MICA: variants seen among roughly 807,000 people sequenced by gnomAD.
MICA encodes MHC class I polypeptide-related sequence A.
Under a neutral mutation model 34.3 loss-of-function variants are expected in MICA, and 18 were observed. The observed-to-expected ratio is 0.52, with a 90% confidence interval of 0.36 to 0.78. The LOEUF is 0.78. Ranked by LOEUF, MICA falls within the 30% of genes least tolerant of loss-of-function variation. MICA has a pLI of 0.00. For missense variants in MICA, 333 were observed against 409.4 expected, an observed-to-expected ratio of 0.81 and a Z score of 1.61; for synonymous variants, 135 against 156.9, an observed-to-expected ratio of 0.86 and a Z score of 1.04.
rs1425420452 is a variant in MICA, at chr6:31,411,705, G to A, written c.614-242G>A. Among the ~76,000 whole-genome samples, 1 of 151,722 alleles carries A rather than the reference G, an allele frequency of 6.6e-6. No individual in the cohort carries two copies. The highest frequency in any genetic ancestry group is 6.6e-5 in the Admixed American group (1 of 15,178). On this transcript the variant is annotated intron_variant, in intron 3 of 5. Coordinates refer to ENST00000449934, the MANE Select transcript of MICA (RefSeq NM_001177519.3). This position sits in a 1 kb window ranked among gnomAD's most constrained non-coding sequence, Gnocchi z 4.3. ...TCCCTCCTGGCCCCACAACCCAGGA[G>A]TCCACCCCTGACATCCCCCTCCTCA...
At chr6:31,412,919 C>T (rs1771284170) in intron 5 of MICA, among the ~76,000 whole-genome samples, 1 of 151,874 alleles carries the variant, frequency 6.6e-6, no homozygotes, top group Non-Finnish European at 1.5e-5. Flanking sequence ...CTATTCCCTT[C>T]CTCTCTGCAT....
chr6:31,406,809 TC>T (rs1315126892), intron 1 of MICA, among the ~76,000 whole-genome samples: 1 of 151,884 alleles, frequency 6.6e-6, no homozygotes, highest in Non-Finnish European at 1.5e-5. Context: ...TTGAAGAGAC[TC>T]TCCTTTGCCA....
At chr6:31,414,107 CT>C (rs947537196) in intron 5 of MICA, among the ~76,000 whole-genome samples, 3 of 152,004 alleles carry the variant, frequency 2.0e-5, no homozygotes, top group Non-Finnish European at 4.4e-5. Context: ...TTGGAGCCCC[CT>C]CTCCAGGAGG....
At chr6:31,404,964 C>A (rs1267968609) in intron 1 of MICA, among the ~76,000 whole-genome samples, 1 of 151,702 alleles carries the variant, frequency 6.6e-6, no homozygotes, top group Non-Finnish European at 1.5e-5. Context: ...CTGCCTTGGG[C>A]CCTCAGCACG....
In MICA at chr6:31,411,788, C is replaced by A. The variant is rs1771171294; in HGVS notation, c.614-159C>A. Reference sequence around the variant, plus strand: ...ACAGTCCCAAGGCCCATCCTCCTGCCAGCCTGGAAGAACTGGGCCCCAGAG... The same window carrying A: ...ACAGTCCCAAGGCCCATCCTCCTGCAAGCCTGGAAGAACTGGGCCCCAGAG... On this transcript the variant is annotated intron_variant, in intron 3 of 5. Transcript: ENST00000449934. This position sits in a 1 kb window ranked among gnomAD's most constrained non-coding sequence, Gnocchi z 4.3. Among the ~76,000 whole-genome samples the A allele has an allele frequency of 6.6e-6, 1 of 151,890 alleles. No individual in the cohort carries two copies. Among genetic ancestry groups the A allele is most frequent in the African/African-American group, 2.4e-5 (1 of 41,254 alleles).
At position 31,408,891 on chromosome 6, in the gene MICA, A is replaced by G. The variant is rs1343672716; in HGVS notation, c.71-1652A>G. The stretch of plus-strand genomic sequence containing the variant: ...GTGATGGCGGGTGCCTGTAATCCCA[A>G]CTACTTGGGAGGCTGAGGCAGGAGA... On this transcript the variant is annotated intron_variant, in intron 1 of 5. Coordinates refer to ENST00000449934, the MANE Select transcript of MICA (RefSeq NM_001177519.3). 3.3e-5 allele frequency among the ~76,000 whole-genome samples: 5 copies of G among 151,514 alleles called. No individual in the cohort carries two copies. In the Admixed American group the frequency reaches 3.3e-4, roughly 10 times the overall value.
At chr6:31,413,736 A>G (rs9266815) in intron 5 of MICA, among the ~76,000 whole-genome samples, 47,026 of 149,774 alleles carry the variant, frequency 0.31, 8,346 homozygotes, top group African/African-American at 0.39. Flanking sequence ...GTCTGTGGTC[A>G]CTCCTGCTCT....
intron 1 of MICA, among the ~76,000 whole-genome samples, chr6:31,404,118 C>G (rs1161659576): frequency 6.6e-6 from 1 of 151,666 alleles, no homozygotes; most frequent in African/African-American, 2.4e-5. Flanking sequence ...TCCCTGAAGT[C>G]CTGTCCTCTC....
In MICA at chr6:31,411,827, G is replaced by T; in HGVS notation, c.614-120G>T. The T allele has an allele frequency of 1.4e-6, 2 of 1,422,834 alleles. No homozygotes were observed. The highest frequency in any genetic ancestry group is 1.9e-6 in the Non-Finnish European group (2 of 1,074,228). 88.1% of individuals were successfully genotyped at this position (1,422,834 alleles called of 1,614,324 possible). A position where few individuals can be genotyped will look rare whatever the true frequency, so the allele number is the denominator to read the frequency against. On this transcript the variant is annotated intron_variant, in intron 3 of 5. Coordinates refer to ENST00000449934, the MANE Select transcript of MICA (RefSeq NM_001177519.3). This position sits in a 1 kb window ranked among gnomAD's most constrained non-coding sequence, Gnocchi z 4.3. ...TGGGCCCCAGAGTGAGGACAGACTT[G>T]CAGGTCAGGGGTCCCGGAGGGCTTC... is the stretch of plus-strand genomic sequence containing the variant.
chr6:31,414,727 G>T (rs9266820), intron 5 of MICA, among the ~76,000 whole-genome samples: 48,473 of 151,594 alleles, frequency 0.32, 8,327 homozygotes, highest in African/African-American at 0.4. Flanking sequence ...TGAGAGGAGG[G>T]CACTGGGTTC....
upstream of MICA, among the ~76,000 whole-genome samples, chr6:31,401,758 C>T (rs1006356045): frequency 1.3e-5 from 2 of 151,608 alleles, no homozygotes; most frequent in Non-Finnish European, 2.9e-5. Context: ...GACTACACAT[C>T]GGAATCACCT....
chr6:31,415,021 G>GA lies in MICA; in HGVS notation c.*39_*40insA. The GA allele has an allele frequency of 6.7e-7, 1 of 1,483,906 alleles. No individual in the cohort carries two copies. Among genetic ancestry groups the GA allele is most frequent in the Non-Finnish European group, 9.3e-7 (1 of 1,070,984 alleles). 91.9% of individuals were successfully genotyped at this position (1,483,906 alleles called of 1,614,324 possible). A position where few individuals can be genotyped will look rare whatever the true frequency, so the allele number is the denominator to read the frequency against. On this transcript the variant is annotated 3_prime_UTR_variant, in exon 6 of 6. Transcript: ENST00000449934. ...TCCCTCTTTTCTCCAGAGCTCGTGA[G>GA]CCTGCAGGTCCTGGATCAACACCCA...
intron 1 of MICA, 116 bp from the exon 2 acceptor site, chr6:31,410,427 C>T (rs17206476): frequency 7.5e-7 from 1 of 1,337,482 alleles, no homozygotes; most frequent in Non-Finnish European, 1.0e-6. Context: ...GTTCTTGTCC[C>T]TTTGCCCGTG....
chr6:31,410,969 C>A, intron 2 of MICA, 103 bp from the exon 3 acceptor site: 1 of 1,473,202 alleles, frequency 6.8e-7, no homozygotes, highest in Non-Finnish European at 9.0e-7. Context: ...CACAGGGAGG[C>A]ATGGAGGAGG....
intron 1 of MICA, among the ~76,000 whole-genome samples, chr6:31,408,140 T>A (rs114202986): frequency 6.6e-6 from 1 of 151,900 alleles, no homozygotes; most frequent in Non-Finnish European, 1.5e-5. Flanking sequence ...ATATGACGTA[T>A]TACATTGATT....
chr6:31,403,720 C>A lies in MICA; in HGVS notation c.70+18C>A, dbSNP rs1305901059. ...TGCTGCTGGTGAGTGGCGTTCCTGGCGGTCCTCGGCGGAGCGGGAGCAGTG... is the reference window on the plus strand; with the variant it reads ...TGCTGCTGGTGAGTGGCGTTCCTGGAGGTCCTCGGCGGAGCGGGAGCAGTG... On this transcript the variant is annotated intron_variant, in intron 1 of 5. Coordinates refer to ENST00000449934, the MANE Select transcript of MICA (RefSeq NM_001177519.3). This position sits in a 1 kb window ranked among gnomAD's most constrained non-coding sequence, Gnocchi z 4.7. 10 of 1,525,270 alleles carry A rather than the reference C, an allele frequency of 6.6e-6. No individual in the cohort carries two copies. Among genetic ancestry groups the A allele is most frequent in the South Asian group, 4.9e-5 (4 of 82,212 alleles). The allele number at this position is 1,525,270 out of a possible 1,614,324, so 94.5% of individuals were successfully genotyped here.
rs1339052592 is a variant in MICA at position 31,411,462 on chromosome 6, G to C, written c.613+103G>C. 5.1e-6 allele frequency: 6 copies of C among 1,173,888 alleles called. No homozygotes were observed. The highest frequency in any genetic ancestry group is 1.6e-5 in the South Asian group (1 of 62,384). 72.7% of individuals were successfully genotyped at this position (1,173,888 alleles called of 1,614,324 possible). ...AACCCTCCCTGTGCTATGGATGAAG[G>C]CATTTCCTGTTGGCACATCGTGTCC... On this transcript the variant is annotated intron_variant, in intron 3 of 5. Coordinates refer to ENST00000449934, the MANE Select transcript of MICA (RefSeq NM_001177519.3). The surrounding 1 kb of genome is among the most constrained non-coding windows in gnomAD (Gnocchi z 4.3).
rs772500330 is a variant in MICA at position 31,411,064 on chromosome 6, G to C, written c.326-8G>C. On this transcript the variant is annotated splice_region_variant and splice_polypyrimidine_tract_variant and intron_variant, in intron 2 of 5. Coordinates refer to ENST00000449934, the MANE Select transcript of MICA (RefSeq NM_001177519.3). This position sits in a 1 kb window ranked among gnomAD's most constrained non-coding sequence, Gnocchi z 4.3. ...GGGAATGGAGAAGTCACTGCTGGGT[G>C]GGGGCAGGCTTGCATTCCCTCCAGG... The C allele has an allele frequency of 5.7e-6, 9 of 1,577,560 alleles. No individual in the cohort carries two copies. The Admixed American group carries it at 7.4e-5, about 13-fold the overall frequency.
At chr6:31,408,552 T>C (rs1770875490) in intron 1 of MICA, among the ~76,000 whole-genome samples, 1 of 151,944 alleles carries the variant, frequency 6.6e-6, no homozygotes. Flanking sequence ...CAAAACTCTG[T>C]GCCCATTAAT....
Sources: allele counts gnomAD v4.1 joint callset (sites outside exome capture counted in the v4.1 genomes callset), GRCh38; gene constraint gnomAD v4.1.1; non-coding constraint Gnocchi (gnomAD v3.1); transcripts MANE v1.5; gene names NCBI Gene and HGNC (gene_info 2026-07-23, HGNC 2026-07-21).